Variants in COLEC11 observed in about 807,000 individuals in gnomAD.
COLEC11 encodes the protein collectin-11.
COLEC11 carries 20 observed loss-of-function variants against 27.3 expected under a neutral mutation model. The observed-to-expected ratio is 0.73, with a 90% CI of 0.51 to 1.06. COLEC11 has a LOEUF of 1.06. COLEC11 is among the 50% of genes least tolerant of loss of function. The pLI is 0.00. For synonymous variants in COLEC11, 163 were observed against 154.7 expected (o/e 1.05, Z -0.40); for missense variants, 310 against 383.0 (o/e 0.81, Z 1.59).
chr2:3,610,435 T>C (rs1663097882), intron 2 of COLEC11, among the ~76,000 whole-genome samples: 1 of 152,212 alleles, frequency 6.6e-6, no homozygotes, highest in African/African-American at 2.4e-5. Flanking sequence ...CTGTGTCTTC[T>C]CAGAGTTTTC....
intron 3 of COLEC11, among the ~76,000 whole-genome samples, chr2:3,633,466 C>G (rs370194323): frequency 6.6e-6 from 1 of 152,354 alleles, no homozygotes; most frequent in South Asian, 2.1e-4. Context: ...GAGTAGAGCT[C>G]AGCTCCTGCC....
Position 3,644,456 on chromosome 2 carries a change from A to G in COLEC11, c.*338A>G. ...TTTAAGTAGTGCAGTAGTTAAGTCC[A>G]AATAGTGGCAATGGGGTCTTGAATT... On this transcript the variant is annotated 3_prime_UTR_variant, in exon 7 of 7. Transcript: ENST00000349077. 1 of 523,830 alleles carries G rather than the reference A, an allele frequency of 1.9e-6. No homozygotes were observed. Among genetic ancestry groups the G allele is most frequent in the Non-Finnish European group, 3.7e-6 (1 of 273,382 alleles). The allele number at this position is 523,830 out of a possible 1,614,324, so 32.4% of individuals were successfully genotyped here.
intron 3 of COLEC11, among the ~76,000 whole-genome samples, chr2:3,631,842 T>C (rs1267000440): frequency 6.6e-6 from 1 of 152,182 alleles, no homozygotes; most frequent in Admixed American, 6.5e-5. Context: ...GGGCACTGCT[T>C]GTCCTCCCAC....
At chr2:3,615,267 C>T (rs2147888761) in intron 3 of COLEC11, among the ~76,000 whole-genome samples, 1 of 152,248 alleles carries the variant, frequency 6.6e-6, no homozygotes, top group South Asian at 2.1e-4. Flanking sequence ...TCTGGTTTTC[C>T]TAGGCAGAGG....
chr2:3,627,699 C>T (rs1277095291), intron 3 of COLEC11, among the ~76,000 whole-genome samples: 7 of 149,250 alleles, frequency 4.7e-5, no homozygotes, highest in African/African-American at 1.2e-4. Flanking sequence ...GGCACGATGA[C>T]GGTGGATCTA....
intron 3 of COLEC11, among the ~76,000 whole-genome samples, chr2:3,618,208 A>G (rs1663923532): frequency 6.6e-6 from 1 of 152,092 alleles, no homozygotes; most frequent in Non-Finnish European, 1.5e-5. Context: ...GGTTAGTACC[A>G]CTTATTTATT....
intron 4 of COLEC11, among the ~76,000 whole-genome samples, chr2:3,638,608 C>CT (rs553510378): frequency 3.1e-4 from 47 of 152,228 alleles, no homozygotes; most frequent in Non-Finnish European, 6.6e-4. Context: ...GGTCACAGAC[C>CT]TCCCCCTAGC....
At position 3,602,624 on chromosome 2, in the gene COLEC11, C is replaced by T. The variant is rs115801178; in HGVS notation, c.-26-1691C>T. Among the ~76,000 whole-genome samples the T allele has an allele frequency of 2.9e-3, 442 of 152,296 alleles. 3 individuals carry two copies. Among genetic ancestry groups the T allele is most frequent in the African/African-American group, 7.8e-3 (326 of 41,558 alleles). ...CTTCCGTTGCTGTTCCCCTAAGTCC[C>T]GTCTCAAGAGCAGGGAGACCCTTTT... On this transcript the variant is annotated intron_variant, in intron 1 of 6. Transcript: ENST00000349077. The surrounding 1 kb of genome is among the most constrained non-coding windows in gnomAD (Gnocchi z 6.2).
intron 3 of COLEC11, among the ~76,000 whole-genome samples, chr2:3,627,161 G>A (rs532499809): frequency 3.2e-4 from 49 of 152,226 alleles, no homozygotes; most frequent in African/African-American, 1.1e-3. Flanking sequence ...TGACCTCTGC[G>A]GGAACTTGGG....
intron 3 of COLEC11, among the ~76,000 whole-genome samples, chr2:3,613,723 G>A (rs1572413031): frequency 2.0e-5 from 3 of 152,180 alleles, no homozygotes; most frequent in South Asian, 2.1e-4. Flanking sequence ...TGAAGGCGGC[G>A]TGGCAGAGTA....
chr2:3,608,847 A>C (rs1284910289), intron 2 of COLEC11, among the ~76,000 whole-genome samples: 1 of 152,234 alleles, frequency 6.6e-6, no homozygotes, highest in African/African-American at 2.4e-5. Flanking sequence ...TCTGGTCCTC[A>C]GTGCTGTTGG....
intron 2 of COLEC11, among the ~76,000 whole-genome samples, chr2:3,611,328 C>A (rs17017743): frequency 0.024 from 3,588 of 152,344 alleles, 149 homozygotes; most frequent in African/African-American, 0.08. Context: ...GTGGCTCCCG[C>A]ACAGCGTCTC....
chr2:3,605,021 C>T (rs752950265), intron 2 of COLEC11: 35 of 470,330 alleles, frequency 7.4e-5, no homozygotes, highest in African/African-American at 6.8e-4. Flanking sequence ...GATAGTTCTG[C>T]AGGTGAGGCA....
chr2:3,631,834 G>A (rs13417396), intron 3 of COLEC11, among the ~76,000 whole-genome samples: 18,531 of 152,154 alleles, frequency 0.12, 2,821 homozygotes, highest in African/African-American at 0.36. Flanking sequence ...TGGGAGTAGG[G>A]CACTGCTTGT....
At chr2:3,641,645 T>G (rs1035990030) in intron 5 of COLEC11, among the ~76,000 whole-genome samples, 2 of 152,098 alleles carry the variant, frequency 1.3e-5, no homozygotes, top group Non-Finnish European at 2.9e-5. Flanking sequence ...AGATAAAACT[T>G]CCATTAAGAA....
chr2:3,615,176 A>G (rs146951501), intron 3 of COLEC11, among the ~76,000 whole-genome samples: 3,595 of 151,052 alleles, frequency 0.024, 150 homozygotes, highest in African/African-American at 0.081. Context: ...ACTCTTGGGT[A>G]TTTCTCGCAG....
At chr2:3,643,622 C>A (rs532264920) in intron 6 of COLEC11, 83 bp downstream of exon 6, 7 of 1,598,826 alleles carry the variant, frequency 4.4e-6, no homozygotes, top group Non-Finnish European at 6.0e-6. Context: ...CTGCCGTGCC[C>A]ACGCCTGCCC....
At chr2:3,626,139 G>A (rs199874091) in intron 3 of COLEC11, 6 of 1,500,184 alleles carry the variant, frequency 4.0e-6, no homozygotes, top group African/African-American at 1.4e-5. Flanking sequence ...TGGACCCTGA[G>A]ATGCAGAGAA....
intron 2 of COLEC11, among the ~76,000 whole-genome samples, chr2:3,610,398 G>A (rs2147874049): frequency 6.6e-6 from 1 of 152,308 alleles, no homozygotes; most frequent in South Asian, 2.1e-4. Flanking sequence ...TGGTGCTCTG[G>A]GGGACCGAGG....
Sources: allele counts gnomAD v4.1 joint callset (sites outside exome capture counted in the v4.1 genomes callset), GRCh38; gene constraint gnomAD v4.1.1; non-coding constraint Gnocchi (gnomAD v3.1); transcripts MANE v1.5; gene names NCBI Gene and HGNC (gene_info 2026-07-23, HGNC 2026-07-21).